Variants in LRRTM4 observed in about 807,000 individuals in gnomAD.
LRRTM4 encodes leucine-rich repeat transmembrane neuronal protein 4.
In LRRTM4, 25 loss-of-function variants were observed where a neutral mutation model predicts 47.6. The observed-to-expected ratio is 0.53, with a 90% confidence interval of 0.38 to 0.73. The LOEUF (loss-of-function observed/expected upper bound fraction) is 0.73, where lower values mean the gene tolerates loss of function less well. Among genes scored for constraint, LRRTM4 ranks in the 30% least tolerant of loss-of-function variants. LRRTM4 has a pLI of 0.00. For missense variants in LRRTM4, 638 were observed against 713.4 expected (o/e 0.89, Z 1.20); for synonymous variants, 311 against 269.5 (o/e 1.15, Z -1.51).
At position 77,519,846 on chromosome 2, in the gene LRRTM4, T is replaced by G; in HGVS notation, c.23A>C (p.Gln8Pro). ...CAGCACCACACTCATGCCTTTCAGC[T>G]GCGTAATTAAATGGAAACCTACGAT... MGFHLIT[Q>P]LKGMSVVLVL... Residue 8 changes from glutamine to proline, a missense_variant, in exon 3 of 4, where the codon CAG becomes CCG. By Grantham distance (76) the Gln-to-Pro change is moderately conservative. Transcript: ENST00000409884. The surrounding 1 kb of genome is among the most constrained non-coding windows in gnomAD (Gnocchi z 4.6). 1 of 1,600,500 alleles carries G rather than the reference T, an allele frequency of 6.2e-7. No homozygotes were observed.
chr2:76,804,725 A>C (rs1256506755), intron 3 of LRRTM4, among the ~76,000 whole-genome samples: 1 of 146,202 alleles, frequency 6.8e-6, no homozygotes, highest in African/African-American at 2.5e-5. Context: ...TAAAACAATG[A>C]TATATCATGT....
chr2:77,184,879 G>A (rs187338515), intron 3 of LRRTM4, among the ~76,000 whole-genome samples: 406 of 152,178 alleles, frequency 2.7e-3, no homozygotes, highest in African/African-American at 9.1e-3. Context: ...ATAAGATAGC[G>A]TTGATTTGGA....
chr2:77,033,540 A>G (rs991126423), intron 3 of LRRTM4, among the ~76,000 whole-genome samples: 7 of 151,954 alleles, frequency 4.6e-5, no homozygotes, highest in African/African-American at 1.4e-4. Flanking sequence ...ATTTTATTGA[A>G]GGAGGAGATA....
chr2:77,403,101 C>T (rs1674026340), intron 3 of LRRTM4, among the ~76,000 whole-genome samples: 1 of 151,616 alleles, frequency 6.6e-6, no homozygotes, highest in African/African-American at 2.4e-5. Context: ...CCTAATTATG[C>T]CATTTTTGTG....
rs1355796738 is a variant in LRRTM4, at chr2:76,998,315, A to G, written c.1552-249399T>C. ...TTCCTACATAAGTTTAGAGGGTTAC[A>G]TCACCAGTCTAACTAGAGAGCTGAG... On this transcript the variant is annotated intron_variant, in intron 3 of 3. Transcript: ENST00000409884. Among the ~76,000 whole-genome samples, 5 of 151,846 alleles carry G rather than the reference A, an allele frequency of 3.3e-5. No homozygotes were observed. In the East Asian group the frequency reaches 9.7e-4, roughly 29 times the overall value.
At chr2:77,244,216 T>C (rs1474044493) in intron 3 of LRRTM4, among the ~76,000 whole-genome samples, 2 of 139,582 alleles carry the variant, frequency 1.4e-5, no homozygotes, top group Non-Finnish European at 3.1e-5. Flanking sequence ...TTGTGAATAA[T>C]GCCGCAATAA....
At chr2:77,381,002 G>C (rs1039295193) in intron 3 of LRRTM4, among the ~76,000 whole-genome samples, 6 of 151,964 alleles carry the variant, frequency 3.9e-5, no homozygotes, top group Admixed American at 2.0e-4. Context: ...ACTAGTGGCA[G>C]TTTAGTACCT....
chr2:77,360,340 T>C (rs766924497), intron 3 of LRRTM4, among the ~76,000 whole-genome samples: 1 of 151,886 alleles, frequency 6.6e-6, no homozygotes, highest in South Asian at 2.1e-4. Flanking sequence ...GCCTGTTGTC[T>C]CAGCTACTCG....
intron 3 of LRRTM4, among the ~76,000 whole-genome samples, chr2:76,858,429 A>AG: frequency 6.6e-6 from 1 of 152,270 alleles, no homozygotes; most frequent in Admixed American, 6.5e-5. Context: ...ACTATCTCAC[A>AG]GGTTCTCCTG....
intron 3 of LRRTM4, among the ~76,000 whole-genome samples, chr2:77,072,800 CAAAAAAAAA>C (rs373786120): frequency 6.3e-5 from 5 of 78,742 alleles, no homozygotes; most frequent in Non-Finnish European, 9.2e-5. Context: ...CTCCGTCTTC[CAAAAAAAAA>C]AAAAAAAAAA....
At chr2:77,125,445 A>T (rs1232904084) in intron 3 of LRRTM4, among the ~76,000 whole-genome samples, 1 of 152,176 alleles carries the variant, frequency 6.6e-6, no homozygotes, top group Admixed American at 6.5e-5. Flanking sequence ...TGCATTTGAT[A>T]GACCACGCAT....
rs1389909146 is a variant in LRRTM4, at chr2:77,156,198, AAG to A, written c.1551+362118_1551+362119del. The stretch of plus-strand genomic sequence containing the variant: ...AATTTATAAACACCATGAAAACTCT[AAG>A]AGAGAGTATATTTACTATTTAGCAA... On this transcript the variant is annotated intron_variant, in intron 3 of 3. Transcript: ENST00000409884. Among the ~76,000 whole-genome samples the A allele has an allele frequency of 2.6e-5, 4 of 151,346 alleles. No homozygotes were observed. The East Asian group carries it at 7.7e-4, about 29-fold the overall frequency.
intron 3 of LRRTM4, among the ~76,000 whole-genome samples, chr2:77,506,143 T>C (rs1036845094): frequency 6.6e-6 from 1 of 151,520 alleles, no homozygotes; most frequent in Non-Finnish European, 1.5e-5. Context: ...AATCCTTGAG[T>C]GGAATATAGA....
chr2:77,426,829 A>ACACG (rs879818867), intron 3 of LRRTM4, among the ~76,000 whole-genome samples: 1 of 135,696 alleles, frequency 7.4e-6, no homozygotes, highest in East Asian at 2.0e-4. Context: ...ACACACACAC[A>ACACG]TGCACACACA....
intron 3 of LRRTM4, among the ~76,000 whole-genome samples, chr2:76,755,337 T>C (rs997478155): frequency 5.9e-5 from 9 of 152,154 alleles, no homozygotes; most frequent in African/African-American, 2.2e-4. Flanking sequence ...CAACACTATT[T>C]TGAGAAAGTA....
At chr2:77,178,789 T>G (rs910587566) in intron 3 of LRRTM4, among the ~76,000 whole-genome samples, 1 of 152,188 alleles carries the variant, frequency 6.6e-6, no homozygotes, top group Non-Finnish European at 1.5e-5. Flanking sequence ...CAGCAAGGTC[T>G]TAGTTATTTC....
At chr2:77,034,145 CA>C (rs1169757734) in intron 3 of LRRTM4, among the ~76,000 whole-genome samples, 1 of 151,696 alleles carries the variant, frequency 6.6e-6, no homozygotes, top group African/African-American at 2.4e-5. Flanking sequence ...AAAGCATTTT[CA>C]AAATTTGGAA....
chr2:76,843,909 A>ATTTT (rs60754198), intron 3 of LRRTM4, among the ~76,000 whole-genome samples: 1 of 137,476 alleles, frequency 7.3e-6, no homozygotes, highest in Non-Finnish European at 1.6e-5. Context: ...TTCTTTTTTC[A>ATTTT]TTTTTTTTTT....
In LRRTM4 at chr2:77,432,474, T is replaced by C. The variant is rs145185338; in HGVS notation, c.1551+85844A>G. ...TTGTAAGGTATATCCTTTAAATATATATTGTTTATTAAACTTTAGAAAAAC... is the reference window on the plus strand; with the variant it reads ...TTGTAAGGTATATCCTTTAAATATACATTGTTTATTAAACTTTAGAAAAAC... On this transcript the variant is annotated intron_variant, in intron 3 of 3. Coordinates refer to ENST00000409884, the MANE Select transcript of LRRTM4 (RefSeq NM_001134745.3). Among the ~76,000 whole-genome samples the C allele has an allele frequency of 1.6e-3, 251 of 152,380 alleles. 1 individual carries two copies. Among genetic ancestry groups the C allele is most frequent in the African/African-American group, 5.8e-3 (243 of 41,600 alleles).
Sources: allele counts gnomAD v4.1 joint callset (sites outside exome capture counted in the v4.1 genomes callset), GRCh38; gene constraint gnomAD v4.1.1; non-coding constraint Gnocchi (gnomAD v3.1); transcripts MANE v1.5; gene names NCBI Gene and HGNC (gene_info 2026-07-23, HGNC 2026-07-21).